CFAP47: variants seen among roughly 807,000 people sequenced by gnomAD.
The protein encoded by CFAP47 is cilia and flagella associated protein 47.
Under a neutral mutation model 148.1 loss-of-function variants are expected in CFAP47, and 29 were observed. The ratio of observed to expected loss-of-function variants is 0.20; its 90% CI spans 0.15 to 0.27. CFAP47 has a LOEUF of 0.27. Ranked by LOEUF, CFAP47 falls within the 10% of genes least tolerant of loss-of-function variation. The pLI, the probability that CFAP47 is intolerant of heterozygous loss-of-function variation, is 1.00. For synonymous variants in CFAP47, 664 were observed against 577.3 expected (o/e 1.15, Z -2.15); for missense variants, 1,872 against 1,697.5 (o/e 1.10, Z -1.81).
At chrX:35,969,687 A>G (rs1447154279) in intron 10 of CFAP47, among the ~76,000 whole-genome samples, 1 of 111,446 alleles carries the variant, frequency 9.0e-6, no homozygotes, top group Non-Finnish European at 1.9e-5. Flanking sequence ...AATTATTTCT[A>G]GGTTCTAAAG....
At position 36,085,693 on chromosome X, in the gene CFAP47, A is replaced by G. The variant is rs746092175; in HGVS notation, c.4916+155A>G. On this transcript the variant is annotated intron_variant, in intron 30 of 63. Transcript: ENST00000378653. ...TAAATATACACACACGTATATATAT[A>G]TTATATATATATATGTATGGTAAAG... 8.5e-4 allele frequency among the ~76,000 whole-genome samples: 90 copies of G among 106,291 alleles called. 1 individual carries two copies. The highest frequency in any genetic ancestry group is 2.9e-3 in the African/African-American group (82 of 28,203). The allele number at this position is 106,291 out of a possible 115,157, so 92.3% of individuals were successfully genotyped here. A position where few individuals can be genotyped will look rare whatever the true frequency, so the allele number is the denominator to read the frequency against.
At chrX:36,151,669 A>G (rs7065200) in intron 37 of CFAP47, among the ~76,000 whole-genome samples, 1 of 102,022 alleles carries the variant, frequency 9.8e-6, no homozygotes, top group Admixed American at 1.1e-4. Context: ...GTGCATGTGT[A>G]TGTGTGTGTG....
intron 49 of CFAP47, among the ~76,000 whole-genome samples, chrX:36,274,892 GC>G (rs1940997071): frequency 9.0e-5 from 10 of 111,427 alleles, no homozygotes; most frequent in Non-Finnish European, 1.9e-4. Context: ...AAAAATACAG[GC>G]ATCCTTGTCT....
chrX:35,948,506 G>A (rs1261088003), intron 4 of CFAP47, 54 bp downstream of exon 4: 9 of 964,396 alleles, frequency 9.3e-6, no homozygotes, highest in South Asian at 2.3e-5. Context: ...ATGCTTTCCC[G>A]TTTAACCCTG....
chrX:36,202,586 T>C (rs1449951468), intron 44 of CFAP47, among the ~76,000 whole-genome samples: 1 of 111,652 alleles, frequency 9.0e-6, no homozygotes, highest in Non-Finnish European at 1.9e-5. Flanking sequence ...TCTGTTAAAG[T>C]GCTCTTACTG....
chrX:36,012,782 G>C (rs184185855), intron 21 of CFAP47, among the ~76,000 whole-genome samples: 1 of 110,952 alleles, frequency 9.0e-6, no homozygotes, highest in African/African-American at 3.3e-5. Flanking sequence ...GTATACCTAC[G>C]TAACAAATCT....
intron 8 of CFAP47, among the ~76,000 whole-genome samples, chrX:35,958,284 G>T (rs1199897475): frequency 9.0e-6 from 1 of 111,437 alleles, no homozygotes; most frequent in Non-Finnish European, 1.9e-5. Flanking sequence ...CATCAATTGA[G>T]GGACATTTGG....
chrX:36,200,727 T>C (rs1268541699), intron 43 of CFAP47, among the ~76,000 whole-genome samples: 1 of 111,966 alleles, frequency 8.9e-6, no homozygotes, highest in Non-Finnish European at 1.9e-5. Flanking sequence ...AGCTAAATAT[T>C]GGAATTTGGC....
intron 42 of CFAP47, among the ~76,000 whole-genome samples, chrX:36,190,520 G>T (rs1276238258): frequency 8.9e-6 from 1 of 112,356 alleles, no homozygotes; most frequent in Non-Finnish European, 1.9e-5. Context: ...CACAGTTACT[G>T]TATGTCACAG....
chrX:36,279,453 C>T (rs1320053942), intron 49 of CFAP47, among the ~76,000 whole-genome samples: 2 of 111,627 alleles, frequency 1.8e-5, no homozygotes, highest in African/African-American at 3.3e-5. Flanking sequence ...GTGGATACTA[C>T]CATAATTCAA....
At chrX:36,182,998 C>T (rs767788020) in intron 40 of CFAP47, among the ~76,000 whole-genome samples, 1 of 112,240 alleles carries the variant, frequency 8.9e-6, no homozygotes, top group African/African-American at 3.2e-5. Flanking sequence ...CCACAACTAT[C>T]GTTGAAACAC....
chrX:36,223,056 C>T (rs1940229873), intron 45 of CFAP47, among the ~76,000 whole-genome samples: 1 of 110,581 alleles, frequency 9.0e-6, no homozygotes. Context: ...GTACCTCCCC[C>T]TACTCTCTTC....
intron 39 of CFAP47, among the ~76,000 whole-genome samples, chrX:36,161,468 ACAAT>A (rs754271177): frequency 6.2e-5 from 7 of 112,187 alleles, no homozygotes; most frequent in African/African-American, 1.6e-4. Context: ...TTTATACTGC[ACAAT>A]CAATGTGCAT....
At chrX:36,001,364 C>CTA (rs1220412693) in intron 20 of CFAP47, among the ~76,000 whole-genome samples, 1 of 111,330 alleles carries the variant, frequency 9.0e-6, no homozygotes, top group Non-Finnish European at 1.9e-5. Context: ...CCCTTTATTC[C>CTA]TATTTATATT....
intron 45 of CFAP47, among the ~76,000 whole-genome samples, chrX:36,210,593 C>G (rs1011679165): frequency 6.2e-5 from 7 of 112,332 alleles, no homozygotes; most frequent in Non-Finnish European, 7.5e-5. Context: ...TTCTATATCT[C>G]AGATACAATA....
At chrX:36,296,368 T>C (rs1463688276) in intron 51 of CFAP47, among the ~76,000 whole-genome samples, 2 of 112,434 alleles carry the variant, frequency 1.8e-5, no homozygotes, top group Admixed American at 1.9e-4. Flanking sequence ...AGTAGTTCTA[T>C]ATTCCAATAT....
At chrX:36,112,388 C>A (rs1306541690) in intron 33 of CFAP47, among the ~76,000 whole-genome samples, 15 of 111,640 alleles carry the variant, frequency 1.3e-4, no homozygotes, top group Admixed American at 1.3e-3. Context: ...TCAGGTTATT[C>A]AATTTCCATG....
intron 33 of CFAP47, among the ~76,000 whole-genome samples, chrX:36,132,665 A>G (rs779109079): frequency 1.8e-5 from 2 of 112,028 alleles, no homozygotes; most frequent in East Asian, 5.7e-4. Flanking sequence ...AAGACAAGAT[A>G]CAGGCATAGG....
At chrX:36,273,844 C>G (rs1042904214) in intron 49 of CFAP47, among the ~76,000 whole-genome samples, 4 of 109,118 alleles carry the variant, frequency 3.7e-5, no homozygotes, top group Non-Finnish European at 5.7e-5. Flanking sequence ...AGCTAATTAA[C>G]AATAAAAAAT....
Sources: allele counts gnomAD v4.1 joint callset (sites outside exome capture counted in the v4.1 genomes callset), GRCh38; gene constraint gnomAD v4.1.1; transcripts MANE v1.5; gene names NCBI Gene and HGNC (gene_info 2026-07-23, HGNC 2026-07-21).